Variants in IL21R observed in about 807,000 individuals in gnomAD.
The protein encoded by IL21R is interleukin-21 receptor.
Under a neutral mutation model 41.3 loss-of-function variants are expected in IL21R, and 14 were observed. The observed-to-expected ratio is 0.34, with a 90% CI of 0.22 to 0.53. IL21R has a LOEUF of 0.53. Among genes scored for constraint, IL21R ranks in the 20% least tolerant of loss-of-function variants. The pLI, the probability that IL21R is intolerant of heterozygous loss-of-function variation, is 0.94. For missense variants in IL21R, 588 were observed against 681.6 expected (o/e 0.86, Z 1.53); for synonymous variants, 286 against 287.6 (o/e 0.99, Z 0.05).
At position 27,420,514 on chromosome 16, in the gene IL21R, A is replaced by C. The variant is rs567641796; in HGVS notation, c.-16-9542A>C. 8.3e-4 allele frequency among the ~76,000 whole-genome samples: 126 copies of C among 152,336 alleles called. 1 individual carries two copies. Among genetic ancestry groups the C allele is most frequent in the African/African-American group, 3.0e-3 (123 of 41,582 alleles). On this transcript the variant is annotated intron_variant, in intron 1 of 8. Transcript: ENST00000337929. The stretch of plus-strand genomic sequence containing the variant: ...TATTATTACCATCCTAATGCATGTG[A>C]AGTGGTATCTCATTATGTTCTTGAT...
At chr16:27,405,860 C>G (rs2086735975) in intron 1 of IL21R, among the ~76,000 whole-genome samples, 2 of 152,264 alleles carry the variant, frequency 1.3e-5, no homozygotes, top group Non-Finnish European at 2.9e-5. Flanking sequence ...ACAAGGAGGG[C>G]CCCCGACTGC....
chr16:27,451,018 C>T lies in IL21R; in HGVS notation c.*1735C>T. The T allele has an allele frequency of 4.3e-6, 1 of 230,034 alleles. No homozygotes were observed. The highest frequency in any genetic ancestry group is 8.5e-6 in the Non-Finnish European group (1 of 118,138). 14.2% of individuals were successfully genotyped at this position (230,034 alleles called of 1,614,324 possible). On this transcript the variant is annotated 3_prime_UTR_variant, in exon 9 of 9. Transcript: ENST00000337929. ...GGCAGGAGGCTGGAAGGTTCTAGAACACTGATGGTTATAAGAGTGGGACTG... is the reference window on the plus strand; with the variant it reads ...GGCAGGAGGCTGGAAGGTTCTAGAATACTGATGGTTATAAGAGTGGGACTG...
intron 8 of IL21R, 195 bp from the exon 9 acceptor site, chr16:27,448,339 C>T (rs2087521672): frequency 1.7e-6 from 1 of 591,204 alleles, no homozygotes; most frequent in African/African-American, 1.9e-5. Context: ...CCTGTAGTCC[C>T]AGCTACTTGG....
intron 1 of IL21R, among the ~76,000 whole-genome samples, chr16:27,428,464 A>G (rs1295200592): frequency 6.6e-6 from 1 of 152,222 alleles, no homozygotes. Flanking sequence ...CATGCCTGTG[A>G]CTTGGGTCCT....
At chr16:27,407,799 T>C (rs556666328) in intron 1 of IL21R, among the ~76,000 whole-genome samples, 32 of 152,296 alleles carry the variant, frequency 2.1e-4, no homozygotes, top group East Asian at 1.4e-3. Flanking sequence ...CACTCCAGCA[T>C]GGGCAACAGA....
At chr16:27,437,873 A>C (rs1445786701) in intron 4 of IL21R, among the ~76,000 whole-genome samples, 186 bp downstream of exon 4, 3 of 152,126 alleles carry the variant, frequency 2.0e-5, no homozygotes, top group Non-Finnish European at 4.4e-5. Context: ...CATGTTGCCC[A>C]GGCCAGTCTC....
intron 1 of IL21R, among the ~76,000 whole-genome samples, chr16:27,417,693 G>A (rs1231574121): frequency 6.6e-6 from 1 of 152,056 alleles, no homozygotes; most frequent in Non-Finnish European, 1.5e-5. Flanking sequence ...AGCATGATAC[G>A]GTACTGAATA....
intron 4 of IL21R, among the ~76,000 whole-genome samples, chr16:27,440,503 C>T (rs1016610980): frequency 6.6e-6 from 1 of 151,902 alleles, no homozygotes; most frequent in Non-Finnish European, 1.5e-5. Flanking sequence ...GAACACCTGG[C>T]CTCAAGCAAT....
chr16:27,428,649 C>T (rs367972084), intron 1 of IL21R, among the ~76,000 whole-genome samples: 8 of 152,322 alleles, frequency 5.3e-5, no homozygotes, highest in Admixed American at 2.6e-4. Flanking sequence ...CCTGGCATCG[C>T]CAGACTGGTG....
At chr16:27,434,269 C>A in intron 2 of IL21R, 78 bp from the exon 3 acceptor site, 2 of 915,498 alleles carry the variant, frequency 2.2e-6, no homozygotes, top group Non-Finnish European at 3.6e-6. Flanking sequence ...CTTCCTCCAG[C>A]CCTCGAGGGG....
intron 2 of IL21R, among the ~76,000 whole-genome samples, chr16:27,432,314 G>A (rs1325510199): frequency 6.6e-6 from 1 of 152,224 alleles, no homozygotes. Flanking sequence ...TACACATGGG[G>A]AGGAGAAGCA....
At chr16:27,446,738 G>A (rs1454112548) in intron 8 of IL21R, among the ~76,000 whole-genome samples, 1 of 152,138 alleles carries the variant, frequency 6.6e-6, no homozygotes, top group Non-Finnish European at 1.5e-5. Context: ...CTTAATCTGG[G>A]TTGGAGAGGG....
intron 4 of IL21R, among the ~76,000 whole-genome samples, chr16:27,438,087 G>C (rs1479759913): frequency 6.6e-6 from 1 of 152,074 alleles, no homozygotes; most frequent in Non-Finnish European, 1.5e-5. Flanking sequence ...TTGATAATAG[G>C]TTTGAGAGGT....
At chr16:27,414,202 A>G (rs2086863521) in intron 1 of IL21R, among the ~76,000 whole-genome samples, 2 of 49,458 alleles carry the variant, frequency 4.0e-5, no homozygotes, top group South Asian at 2.0e-3. Flanking sequence ...TCGTAATTAG[A>G]TTAAAGAAGA....
At chr16:27,441,336 C>G (rs572647779) in intron 4 of IL21R, among the ~76,000 whole-genome samples, 1 of 152,246 alleles carries the variant, frequency 6.6e-6, no homozygotes, top group Non-Finnish European at 1.5e-5. Context: ...GTGTTCTGCT[C>G]AAGTTCATGA....
intron 1 of IL21R, 106 bp from the exon 2 acceptor site, chr16:27,429,950 G>A: frequency 1.1e-6 from 1 of 941,088 alleles, no homozygotes; most frequent in Non-Finnish European, 1.6e-6. Flanking sequence ...TCTTAAGACA[G>A]TTCCAAGAAT....
intron 1 of IL21R, among the ~76,000 whole-genome samples, chr16:27,403,842 C>T (rs1277030251): frequency 1.3e-5 from 2 of 152,228 alleles, no homozygotes; most frequent in African/African-American, 2.4e-5. Flanking sequence ...AGTGCCAACT[C>T]ACCATGTTGT....
intron 1 of IL21R, among the ~76,000 whole-genome samples, chr16:27,422,619 G>A (rs1456185245): frequency 6.6e-6 from 1 of 151,936 alleles, no homozygotes; most frequent in Non-Finnish European, 1.5e-5. Flanking sequence ...TTCAGTTCCA[G>A]GATTTCTACT....
At chr16:27,408,335 C>G (rs902481291) in intron 1 of IL21R, among the ~76,000 whole-genome samples, 4 of 152,186 alleles carry the variant, frequency 2.6e-5, no homozygotes, top group Admixed American at 6.5e-5. Flanking sequence ...GGTGTGCAAG[C>G]CAGGTGAATG....
Sources: allele counts gnomAD v4.1 joint callset (sites outside exome capture counted in the v4.1 genomes callset), GRCh38; gene constraint gnomAD v4.1.1; transcripts MANE v1.5; gene names NCBI Gene and HGNC (gene_info 2026-07-23, HGNC 2026-07-21).